The following GRIK4 variants were observed in gnomAD, a reference collection of about 807,000 sequenced individuals.
GRIK4 encodes glutamate receptor ionotropic, kainate 4.
A neutral mutation model predicts 104.9 loss-of-function variants in GRIK4; 40 were observed. The ratio of observed to expected loss-of-function variants is 0.38; its 90% CI spans 0.30 to 0.50. The LOEUF (loss-of-function observed/expected upper bound fraction) is 0.50. Among genes scored for constraint, GRIK4 ranks in the 20% least tolerant of loss-of-function variants. The pLI, the probability that GRIK4 is intolerant of heterozygous loss-of-function variation, is 0.93. For synonymous variants in GRIK4, 485 were observed against 524.9 expected (o/e 0.92, Z 1.04); for missense variants, 1,047 against 1,308.1 (o/e 0.80, Z 3.08).
At chr11:120,674,349 G>T (rs778397641) in intron 3 of GRIK4, among the ~76,000 whole-genome samples, 3 of 152,192 alleles carry the variant, frequency 2.0e-5, no homozygotes, top group Non-Finnish European at 4.4e-5. Flanking sequence ...CCCAGCCCTG[G>T]CTGTCCAGTC....
chr11:120,889,752 G>C (rs1312292968), intron 11 of GRIK4, among the ~76,000 whole-genome samples: 2 of 151,810 alleles, frequency 1.3e-5, no homozygotes, highest in Non-Finnish European at 1.5e-5. Flanking sequence ...TTACAGGCAT[G>C]TGCCACTACT....
intron 13 of GRIK4, among the ~76,000 whole-genome samples, chr11:120,917,255 A>AAG (rs938479139): frequency 1.4e-5 from 2 of 147,082 alleles, no homozygotes; most frequent in African/African-American, 5.1e-5. Flanking sequence ...CTCAAAAAAA[A>AAG]AAAAAAAAAA....
chr11:120,978,710 T>G (rs1944603040), intron 19 of GRIK4, among the ~76,000 whole-genome samples: 1 of 151,978 alleles, frequency 6.6e-6, no homozygotes, highest in African/African-American at 2.4e-5. Flanking sequence ...CTGAAAAATA[T>G]TTAGGAGGCA....
At chr11:120,882,427 T>G (rs1217568330) in intron 11 of GRIK4, among the ~76,000 whole-genome samples, 1 of 152,164 alleles carries the variant, frequency 6.6e-6, no homozygotes, top group African/African-American at 2.4e-5. Flanking sequence ...GCTCTCCGTC[T>G]GGGGAACAGA....
At position 120,836,820 on chromosome 11, in the gene GRIK4, T is replaced by C. The variant is rs1565383158; in HGVS notation, c.720T>C (p.Tyr240=). Residue 240 remains tyrosine, a synonymous_variant, in exon 8 of 21, where the codon TAT becomes TAC. Transcript: ENST00000527524. ...CCGAACTTGGGATGGTGTCAGCCTA[T>C]TACACATACATCTTCACTAATCTGG... ...KAAELGMVSA[Y]YTYIFTNLEF... 1.9e-6 allele frequency: 3 copies of C among 1,603,876 alleles called. No homozygotes were observed. Among genetic ancestry groups the C allele is most frequent in the Non-Finnish European group, 2.6e-6 (3 of 1,170,552 alleles).
chr11:120,896,293 C>A lies in GRIK4; in HGVS notation c.1165-2239C>A, dbSNP rs139912806. Among the ~76,000 whole-genome samples, 406 of 152,310 alleles carry A rather than the reference C, an allele frequency of 2.7e-3. 1 individual carries two copies. The highest frequency in any genetic ancestry group is 9.4e-3 in the African/African-American group (392 of 41,568). On this transcript the variant is annotated intron_variant, in intron 11 of 20. Coordinates refer to ENST00000527524, the MANE Select transcript of GRIK4 (RefSeq NM_014619.5). ...GCCTCTCAGCTGACAGGCTCTGTGA[C>A]CTCAGGCAAGTTGGGTGGGCTCTTT... is the stretch of plus-strand genomic sequence containing the variant.
chr11:120,898,692 G>A (rs1942652084), intron 12 of GRIK4, 53 bp downstream of exon 12: 1 of 983,642 alleles, frequency 1.0e-6, no homozygotes, highest in Non-Finnish European at 1.6e-6. Flanking sequence ...TGCCTCCCCG[G>A]CTCTGAGCAC....
intron 3 of GRIK4, among the ~76,000 whole-genome samples, chr11:120,784,229 C>T (rs184720413): frequency 4.7e-4 from 72 of 152,334 alleles, no homozygotes; most frequent in African/African-American, 1.4e-3. Context: ...TCGGAACCCC[C>T]GTGTCCTCCT....
At chr11:120,699,958 C>T (rs1043949201) in intron 3 of GRIK4, among the ~76,000 whole-genome samples, 5 of 152,210 alleles carry the variant, frequency 3.3e-5, no homozygotes, top group Non-Finnish European at 7.4e-5. Context: ...AAAATGGGAA[C>T]CAGGTAGAAC....
chr11:120,573,843 A>G (rs1948437879), intron 1 of GRIK4, among the ~76,000 whole-genome samples: 1 of 152,196 alleles, frequency 6.6e-6, no homozygotes, highest in Non-Finnish European at 1.5e-5. Context: ...CTGGGCTTAC[A>G]GCCAAGCCAG....
Position 120,967,770 on chromosome 11 carries a change from C to T in GRIK4, c.2395+447C>T, listed in dbSNP as rs1455888034. Among the ~76,000 whole-genome samples the T allele has an allele frequency of 6.6e-6, 1 of 152,098 alleles. No homozygotes were observed. The highest frequency in any genetic ancestry group is 2.4e-5 in the African/African-American group (1 of 41,426). ...CAAACCTCCCAATGGTTTCCCATCCCACTGGGAATAAAATTCAGGACCCTG... is the reference window on the plus strand; with the variant it reads ...CAAACCTCCCAATGGTTTCCCATCCTACTGGGAATAAAATTCAGGACCCTG... On this transcript the variant is annotated intron_variant, in intron 19 of 20. Transcript: ENST00000527524. This position sits in a 1 kb window ranked among gnomAD's most constrained non-coding sequence, Gnocchi z 4.2.
At chr11:120,523,926 C>CTTT (rs35679853) in intron 1 of GRIK4, among the ~76,000 whole-genome samples, 17 of 141,598 alleles carry the variant, frequency 1.2e-4, no homozygotes, top group African/African-American at 3.6e-4. Context: ...CTTCTGCATT[C>CTTT]TTTTTTTTTT....
rs527543477 is a variant in GRIK4, at chr11:120,574,462, A to G, written c.-159+62575A>G. Reference sequence around the variant, plus strand: ...GGGCACTGTTTTACTCCCTTTTTGCACATGAGGACACGGAAGCACCTGGCT... The same window carrying G: ...GGGCACTGTTTTACTCCCTTTTTGCGCATGAGGACACGGAAGCACCTGGCT... On this transcript the variant is annotated intron_variant, in intron 1 of 20. Coordinates refer to ENST00000527524, the MANE Select transcript of GRIK4 (RefSeq NM_014619.5). Among the ~76,000 whole-genome samples, 3 of 152,262 alleles carry G rather than the reference A, an allele frequency of 2.0e-5. No individual in the cohort carries two copies. In the South Asian group the frequency reaches 6.2e-4, roughly 32 times the overall value.
intron 13 of GRIK4, chr11:120,936,346 A>G (rs927870033): frequency 1.4e-5 from 7 of 483,576 alleles, no homozygotes; most frequent in Non-Finnish European, 2.8e-5. Context: ...TCAGGAAAGA[A>G]CAAGATGAAG....
chr11:120,964,537 G>A (rs7128320), intron 18 of GRIK4, among the ~76,000 whole-genome samples: 82,424 of 152,000 alleles, frequency 0.54, 22,850 homozygotes, highest in Middle Eastern at 0.64. Flanking sequence ...GTTTCAAGAT[G>A]GTAGCGTGAA....
At chr11:120,612,900 G>A (rs963261355) in intron 1 of GRIK4, among the ~76,000 whole-genome samples, 1 of 152,244 alleles carries the variant, frequency 6.6e-6, no homozygotes, top group South Asian at 2.1e-4. Context: ...CAGGGACAAA[G>A]AGGAGTGAGG....
intron 1 of GRIK4, among the ~76,000 whole-genome samples, chr11:120,532,061 C>T (rs1016954841): frequency 5.9e-5 from 9 of 152,172 alleles, no homozygotes; most frequent in Non-Finnish European, 7.4e-5. Flanking sequence ...CATTCAGGAG[C>T]GCACCTGGCA....
intron 1 of GRIK4, among the ~76,000 whole-genome samples, chr11:120,527,589 C>CGGGCTGG (rs1455344163): frequency 6.6e-6 from 1 of 152,204 alleles, no homozygotes; most frequent in Non-Finnish European, 1.5e-5. Context: ...CCTCCAGGGG[C>CGGGCTGG]GGGCTGGGGG....
chr11:120,908,953 C>A (rs1169144180), intron 13 of GRIK4, among the ~76,000 whole-genome samples: 1 of 152,338 alleles, frequency 6.6e-6, no homozygotes, highest in East Asian at 1.9e-4. Context: ...TCTCCTTGCC[C>A]GCAGCCTTGC....
Sources: gnomAD v4.1 joint callset for allele counts (sites outside exome capture counted in the v4.1 genomes callset) on GRCh38, gnomAD v4.1.1 for gene constraint, Gnocchi (gnomAD v3.1) non-coding constraint, MANE v1.5 for transcripts, NCBI Gene and HGNC (gene_info 2026-07-23, HGNC 2026-07-21) for gene names.